The following NFYC variants were observed in gnomAD, a reference collection of about 807,000 sequenced individuals.
NFYC encodes nuclear transcription factor Y subunit gamma, also known as CAAT box DNA-binding protein subunit C.
A neutral mutation model predicts 53.1 loss-of-function variants in NFYC; 25 were observed. The observed-to-expected ratio is 0.47, with a 90% CI of 0.34 to 0.66. The LOEUF (loss-of-function observed/expected upper bound fraction) is 0.66. Ranked by LOEUF, NFYC falls within the 30% of genes least tolerant of loss-of-function variation. NFYC has a pLI of 0.01. For synonymous variants in NFYC, 145 were observed against 152.6 expected (o/e 0.95, Z 0.37); for missense variants, 260 against 422.7 (o/e 0.62, Z 3.38).
At chr1:40,701,735 T>C (rs1643445290) in intron 1 of NFYC, among the ~76,000 whole-genome samples, 1 of 152,226 alleles carries the variant, frequency 6.6e-6, no homozygotes, top group Non-Finnish European at 1.5e-5. Context: ...AACTGTGTCT[T>C]GTTTAGAATC....
chr1:40,733,704 GACTTAC>G (rs1265975624), intron 1 of NFYC, among the ~76,000 whole-genome samples: 3 of 151,118 alleles, frequency 2.0e-5, no homozygotes, highest in African/African-American at 7.3e-5. Flanking sequence ...GAGTAGCTAA[GACTTAC>G]ACGTGTGTGC....
chr1:40,755,040 G>T (rs370445855), intron 5 of NFYC, among the ~76,000 whole-genome samples: 27 of 152,298 alleles, frequency 1.8e-4, no homozygotes, highest in African/African-American at 6.0e-4. Context: ...TTAATCCTCT[G>T]TAGACATGAA....
chr1:40,707,129 C>T (rs1011709063), intron 1 of NFYC, among the ~76,000 whole-genome samples: 7 of 150,776 alleles, frequency 4.6e-5, no homozygotes, highest in East Asian at 2.0e-4. Context: ...GAGATCGCAC[C>T]GTTGTACTCT....
At chr1:40,693,832 T>C (rs887479393) in intron 1 of NFYC, among the ~76,000 whole-genome samples, 1 of 152,238 alleles carries the variant, frequency 6.6e-6, no homozygotes, top group Non-Finnish European at 1.5e-5. Flanking sequence ...TCTGGGTGTT[T>C]AGAGTGTATA....
intron 6 of NFYC, among the ~76,000 whole-genome samples, chr1:40,759,988 C>G (rs927095826): frequency 2.6e-5 from 4 of 152,154 alleles, no homozygotes; most frequent in Non-Finnish European, 5.9e-5. Flanking sequence ...TAAGTTCTCA[C>G]TTCGTCACTC....
chr1:40,768,223 C>G (rs959166182), intron 8 of NFYC, among the ~76,000 whole-genome samples: 7 of 152,226 alleles, frequency 4.6e-5, no homozygotes, highest in African/African-American at 1.7e-4. Flanking sequence ...GGCAATCCTG[C>G]TGGCCACAGA....
At chr1:40,764,402 TCACGTGTGCTTACGATACC>T (rs1302545430) in intron 7 of NFYC, among the ~76,000 whole-genome samples, 11 of 152,364 alleles carry the variant, frequency 7.2e-5, no homozygotes, top group African/African-American at 2.4e-4. Flanking sequence ...TCTACCTCTC[TCACGTGTGCTTACGATACC>T]CAGGATTGCA....
At chr1:40,708,665 C>A (rs1490936683) in intron 1 of NFYC, among the ~76,000 whole-genome samples, 8 of 152,292 alleles carry the variant, frequency 5.3e-5, no homozygotes, top group Admixed American at 2.6e-4. Flanking sequence ...TGCCTTGATA[C>A]CAGTCTGTGC....
chr1:40,694,979 G>A (rs892905389), intron 1 of NFYC, among the ~76,000 whole-genome samples: 3 of 152,124 alleles, frequency 2.0e-5, no homozygotes, highest in Admixed American at 6.6e-5. Flanking sequence ...GAGACTGGGC[G>A]CAGTGGCTCA....
chr1:40,745,014 A>G (rs1645535794), intron 2 of NFYC, among the ~76,000 whole-genome samples: 2 of 152,222 alleles, frequency 1.3e-5, no homozygotes, highest in Non-Finnish European at 2.9e-5. Flanking sequence ...TCAAGGTTTC[A>G]GGAACATGAA....
intron 1 of NFYC, among the ~76,000 whole-genome samples, chr1:40,732,839 T>C (rs1228859559): frequency 6.6e-6 from 1 of 152,154 alleles, no homozygotes; most frequent in Non-Finnish European, 1.5e-5. Flanking sequence ...GTCATCCCCT[T>C]TTATTTTAAA....
chr1:40,708,996 C>T (rs1410702262), intron 1 of NFYC, among the ~76,000 whole-genome samples: 4 of 152,172 alleles, frequency 2.6e-5, no homozygotes, highest in Non-Finnish European at 4.4e-5. Flanking sequence ...TAAGAAATCC[C>T]GTGGGTGGGA....
chr1:40,730,411 A>T, intron 1 of NFYC: 1 of 182,654 alleles, frequency 5.5e-6, no homozygotes, highest in Non-Finnish European at 1.0e-5. Context: ...TAGGGTTATT[A>T]AGTGGCGTAA....
At chr1:40,701,359 C>T (rs1250550785) in intron 1 of NFYC, among the ~76,000 whole-genome samples, 1 of 152,182 alleles carries the variant, frequency 6.6e-6, no homozygotes, top group Non-Finnish European at 1.5e-5. Flanking sequence ...AGTTGGCCTC[C>T]CAAAGTGCTG....
At chr1:40,747,476 G>A in intron 2 of NFYC, 58 bp from the exon 3 acceptor site, 1 of 1,219,298 alleles carries the variant, frequency 8.2e-7, no homozygotes. Flanking sequence ...TGCCTGTCAT[G>A]CTTTGCCACA....
intron 1 of NFYC, among the ~76,000 whole-genome samples, chr1:40,711,321 G>C (rs1226743784): frequency 1.3e-5 from 2 of 152,234 alleles, no homozygotes; most frequent in East Asian, 3.9e-4. Context: ...CATTTTAAGA[G>C]GTAGTTATTT....
intron 1 of NFYC, among the ~76,000 whole-genome samples, chr1:40,715,563 TCTG>T (rs1644104177): frequency 6.6e-6 from 1 of 152,154 alleles, no homozygotes; most frequent in African/African-American, 2.4e-5. Flanking sequence ...TTTAATGTGT[TCTG>T]CTACCTCCAT....
At chr1:40,695,708 A>G (rs1643095679) in intron 1 of NFYC, 1 of 152,164 alleles carries the variant, frequency 6.6e-6, no homozygotes, top group Admixed American at 6.5e-5. Context: ...GGCGTGAGCC[A>G]CCGTGCCCAG....
intron 1 of NFYC, among the ~76,000 whole-genome samples, chr1:40,733,304 A>ATGGT (rs1227130778): frequency 1.3e-5 from 2 of 151,772 alleles, no homozygotes; most frequent in African/African-American, 4.8e-5. Context: ...GGGAGGGACC[A>ATGGT]GTTCCAGAAA....
Sources: gnomAD v4.1 joint callset for allele counts (sites outside exome capture counted in the v4.1 genomes callset) on GRCh38, gnomAD v4.1.1 for gene constraint, MANE v1.5 for transcripts, NCBI Gene and HGNC (gene_info 2026-07-23, HGNC 2026-07-21) for gene names.